Variants in RGS7 observed in about 807,000 individuals in gnomAD.
RGS7 encodes regulator of G protein signaling 7.
RGS7 carries 27 observed loss-of-function variants against 81.1 expected under a neutral mutation model. That is an observed-to-expected ratio of 0.33 (90% CI 0.25 to 0.46). The LOEUF is 0.46. Ranked by LOEUF, RGS7 falls within the 20% of genes least tolerant of loss-of-function variation. RGS7 has a pLI of 1.00. For synonymous variants in RGS7, 208 were observed against 207.7 expected, an observed-to-expected ratio of 1.00 and a Z score of -0.01; for missense variants, 396 against 607.4, an observed-to-expected ratio of 0.65 and a Z score of 3.66.
chr1:241,164,672 G>C lies in RGS7; in HGVS notation c.79-65910C>G, dbSNP rs550124350. Among the ~76,000 whole-genome samples, 156 of 152,214 alleles carry C rather than the reference G, an allele frequency of 1.0e-3. 1 individual carries two copies. The highest frequency in any genetic ancestry group is 3.6e-3 in the African/African-American group (149 of 41,536). ...ATTTTTCTAGAGAAGTCAGATATCT[G>C]AACATTAATGTGAAATTTTCCATGT... On this transcript the variant is annotated intron_variant, in intron 2 of 18. Coordinates refer to ENST00000440928, the MANE Select transcript of RGS7 (RefSeq NM_001364886.1). This position sits in a 1 kb window ranked among gnomAD's most constrained non-coding sequence, Gnocchi z 4.1.
chr1:241,221,043 G>GGAAGGAAGGAAGGA (rs1390080527), intron 2 of RGS7, among the ~76,000 whole-genome samples: 10 of 83,010 alleles, frequency 1.2e-4, no homozygotes, highest in Admixed American at 1.3e-4. Flanking sequence ...GGAAGGAAAA[G>GGAAGGAAGGAAGGA]AAAGAAAGAA....
At chr1:240,818,190 C>G (rs755373601) in intron 10 of RGS7, among the ~76,000 whole-genome samples, 11 of 152,086 alleles carry the variant, frequency 7.2e-5, no homozygotes, top group Non-Finnish European at 1.2e-4. Context: ...ATGTCTTAAA[C>G]TAGCCCTTTT....
At chr1:241,184,743 G>A (rs1471871266) in intron 2 of RGS7, among the ~76,000 whole-genome samples, 6 of 151,956 alleles carry the variant, frequency 3.9e-5, no homozygotes, top group African/African-American at 7.2e-5. Flanking sequence ...CATTATGAAC[G>A]TGCAAACATT....
intron 9 of RGS7, among the ~76,000 whole-genome samples, chr1:240,841,723 A>G (rs1484602569): frequency 2.6e-5 from 4 of 152,180 alleles, no homozygotes; most frequent in African/African-American, 9.7e-5. Context: ...TTAGCATCCA[A>G]TTCATGATTT....
At chr1:240,876,031 C>T (rs1201634388) in intron 6 of RGS7, among the ~76,000 whole-genome samples, 1 of 152,178 alleles carries the variant, frequency 6.6e-6, no homozygotes, top group Non-Finnish European at 1.5e-5. Context: ...CCATGTAGGA[C>T]AGGACTGTCT....
At chr1:240,874,260 G>A (rs1415413811) in intron 6 of RGS7, among the ~76,000 whole-genome samples, 2 of 152,172 alleles carry the variant, frequency 1.3e-5, no homozygotes, top group African/African-American at 4.8e-5. Flanking sequence ...AGTTATTAAT[G>A]AGAATGTTCA....
intron 6 of RGS7, among the ~76,000 whole-genome samples, chr1:240,921,456 AG>A (rs1673527855): frequency 6.6e-6 from 1 of 152,092 alleles, no homozygotes; most frequent in Non-Finnish European, 1.5e-5. Context: ...AAAGAAAAAA[AG>A]GGTATATAGT....
At position 241,341,386 on chromosome 1, in the gene RGS7, A is replaced by C. The variant is rs540920259; in HGVS notation, c.78+14313T>G. On this transcript the variant is annotated intron_variant, in intron 2 of 18. Coordinates refer to ENST00000440928, the MANE Select transcript of RGS7 (RefSeq NM_001364886.1). ...AACAAGTCCACAGGTTTTCACATATAAATGGGAATATATATACGTACATGT... is the reference window on the plus strand; with the variant it reads ...AACAAGTCCACAGGTTTTCACATATCAATGGGAATATATATACGTACATGT... Among the ~76,000 whole-genome samples the C allele has an allele frequency of 3.9e-5, 6 of 152,330 alleles. No individual in the cohort carries two copies. The South Asian group carries it at 1.2e-3, about 32-fold the overall frequency.
intron 3 of RGS7, among the ~76,000 whole-genome samples, chr1:241,022,924 C>T (rs749756446): frequency 6.6e-6 from 1 of 151,952 alleles, no homozygotes; most frequent in Non-Finnish European, 1.5e-5. Context: ...CTCCATGCTC[C>T]CTACCATGGA....
intron 2 of RGS7, among the ~76,000 whole-genome samples, chr1:241,258,486 C>T (rs2077152475): frequency 6.6e-6 from 1 of 152,188 alleles, no homozygotes. Context: ...TTGGGAGCTA[C>T]ATCAAGCTTT....
intron 2 of RGS7, among the ~76,000 whole-genome samples, chr1:241,170,700 C>T (rs1306582950): frequency 1.3e-5 from 2 of 152,146 alleles, no homozygotes; most frequent in African/African-American, 4.8e-5. Flanking sequence ...CTGGAGGGAG[C>T]AGTGCGGAAA....
chr1:240,957,232 G>T (rs148639093), intron 4 of RGS7, among the ~76,000 whole-genome samples: 2 of 152,100 alleles, frequency 1.3e-5, no homozygotes, highest in Non-Finnish European at 2.9e-5. Context: ...TTTCTCCCAC[G>T]CTGGATGCTT....
chr1:241,150,847 A>G (rs947688904), intron 2 of RGS7, among the ~76,000 whole-genome samples: 1 of 150,548 alleles, frequency 6.6e-6, no homozygotes, highest in African/African-American at 2.5e-5. Flanking sequence ...CGAAGGCCTG[A>G]GAATCAAGGA....
intron 3 of RGS7, among the ~76,000 whole-genome samples, chr1:241,080,991 G>A (rs1366003914): frequency 6.6e-6 from 1 of 152,062 alleles, no homozygotes; most frequent in Non-Finnish European, 1.5e-5. Context: ...TTCTTTTTCT[G>A]TCCAATATCC....
chr1:240,929,623 C>T (rs1334443379), intron 6 of RGS7, among the ~76,000 whole-genome samples: 1 of 151,980 alleles, frequency 6.6e-6, no homozygotes. Flanking sequence ...ATTTTTTCTT[C>T]TTATAAAAAT....
intron 10 of RGS7, among the ~76,000 whole-genome samples, chr1:240,820,198 A>T (rs1691521012): frequency 6.6e-6 from 1 of 152,196 alleles, no homozygotes; most frequent in Non-Finnish European, 1.5e-5. Flanking sequence ...AAAATCTCTT[A>T]ATGTCTTAAT....
rs534073293 is a variant in RGS7 at position 240,910,885 on chromosome 1, A to T, written c.385+19832T>A. On this transcript the variant is annotated intron_variant, in intron 6 of 18. Coordinates refer to ENST00000440928, the MANE Select transcript of RGS7 (RefSeq NM_001364886.1). Reference sequence around the variant, plus strand: ...AGGTGTGTGCCACAACGCCCAACTAATTTTTTTTATTTTTAGTAGAGATGG... The same window carrying T: ...AGGTGTGTGCCACAACGCCCAACTATTTTTTTTTATTTTTAGTAGAGATGG... Among the ~76,000 whole-genome samples the T allele has an allele frequency of 1.5e-4, 23 of 151,742 alleles. 1 individual carries two copies. The highest frequency in any genetic ancestry group is 8.4e-4 in the South Asian group (4 of 4,774).
At chr1:240,804,995 G>A (rs745549034) in intron 15 of RGS7, among the ~76,000 whole-genome samples, 13 of 152,094 alleles carry the variant, frequency 8.5e-5, no homozygotes, top group Non-Finnish European at 1.8e-4. Flanking sequence ...TTTTTTAAAA[G>A]GTACTTTTTA....
intron 5 of RGS7, among the ~76,000 whole-genome samples, chr1:240,934,251 C>A (rs962571220): frequency 6.6e-6 from 1 of 152,184 alleles, no homozygotes; most frequent in African/African-American, 2.4e-5. Context: ...TGAGCCACTG[C>A]GCCCAGCCTA....
Sources: allele counts gnomAD v4.1 joint callset (sites outside exome capture counted in the v4.1 genomes callset), GRCh38; gene constraint gnomAD v4.1.1; non-coding constraint Gnocchi (gnomAD v3.1); transcripts MANE v1.5; gene names NCBI Gene and HGNC (gene_info 2026-07-23, HGNC 2026-07-21).